Variants in SLC25A24 observed in about 807,000 individuals in gnomAD.
SLC25A24 encodes mitochondrial adenyl nucleotide antiporter SLC25A24.
Under a neutral mutation model 60.7 loss-of-function variants are expected in SLC25A24, and 49 were observed. That is an observed-to-expected ratio of 0.81 (90% CI 0.64 to 1.02). SLC25A24 has a LOEUF of 1.02. Among genes scored for constraint, SLC25A24 ranks in the 50% least tolerant of loss-of-function variants. SLC25A24 has a pLI of 0.00. For synonymous variants in SLC25A24, 202 were observed against 200.6 expected (o/e 1.01, Z -0.06); for missense variants, 564 against 586.3 (o/e 0.96, Z 0.39).
chr1:108,179,244 T>C (rs191040110), intron 3 of SLC25A24, among the ~76,000 whole-genome samples: 97 of 151,866 alleles, frequency 6.4e-4, no homozygotes, highest in African/African-American at 2.2e-3. Context: ...AGATAACAAG[T>C]GTTGGCAAGT....
At chr1:108,196,275 A>G (rs532181875) in intron 1 of SLC25A24, among the ~76,000 whole-genome samples, 10 of 152,328 alleles carry the variant, frequency 6.6e-5, no homozygotes, top group African/African-American at 2.4e-4. Context: ...ATCATTCAGC[A>G]TACACTTCAT....
At chr1:108,183,186 T>C (rs899117886) in intron 2 of SLC25A24, among the ~76,000 whole-genome samples, 1 of 149,838 alleles carries the variant, frequency 6.7e-6, no homozygotes, top group Non-Finnish European at 1.5e-5. Context: ...GGTGAAAGGA[T>C]AGACTTTCTT....
At chr1:108,185,729 A>C in intron 2 of SLC25A24, 99 bp downstream of exon 2, 1 of 849,630 alleles carries the variant, frequency 1.2e-6, no homozygotes, top group Non-Finnish European at 1.8e-6. Flanking sequence ...AATAATTATC[A>C]TCTAAAACCA....
At chr1:108,196,287 C>T (rs1338904568) in intron 1 of SLC25A24, among the ~76,000 whole-genome samples, 1 of 152,172 alleles carries the variant, frequency 6.6e-6, no homozygotes, top group Non-Finnish European at 1.5e-5. Context: ...ACACTTCATA[C>T]CCATGGGCAC....
At chr1:108,154,399 T>C (rs772475816) in intron 6 of SLC25A24, among the ~76,000 whole-genome samples, 1 of 152,118 alleles carries the variant, frequency 6.6e-6, no homozygotes, top group Non-Finnish European at 1.5e-5. Context: ...GCTGAAGCAA[T>C]AGCTCAAATA....
chr1:108,172,530 C>T (rs1647498680), intron 3 of SLC25A24, among the ~76,000 whole-genome samples: 1 of 152,128 alleles, frequency 6.6e-6, no homozygotes, highest in Admixed American at 6.5e-5. Context: ...AATGAGATGC[C>T]AGGCTCTTAT....
At chr1:108,168,547 T>C (rs955557729) in intron 3 of SLC25A24, among the ~76,000 whole-genome samples, 5 of 152,236 alleles carry the variant, frequency 3.3e-5, no homozygotes, top group Admixed American at 3.3e-4. Context: ...ACAAACTTCC[T>C]AGATAAGATA....
chr1:108,170,419 A>G (rs915134224), intron 3 of SLC25A24, among the ~76,000 whole-genome samples: 2 of 152,160 alleles, frequency 1.3e-5, no homozygotes. Flanking sequence ...TAAATACCTA[A>G]GAAAAAATAT....
chr1:108,152,731 A>C (rs1461151456), intron 6 of SLC25A24, among the ~76,000 whole-genome samples: 1 of 152,212 alleles, frequency 6.6e-6, no homozygotes, highest in Non-Finnish European at 1.5e-5. Context: ...TTACTTAATA[A>C]GGGTTTCCTG....
chr1:108,167,736 AG>A (rs1647255127), intron 3 of SLC25A24, among the ~76,000 whole-genome samples: 1 of 152,230 alleles, frequency 6.6e-6, no homozygotes, highest in Non-Finnish European at 1.5e-5. Context: ...ATGGAAATGC[AG>A]CAATCATGCG....
At chr1:108,184,586 T>C (rs768807457) in intron 2 of SLC25A24, among the ~76,000 whole-genome samples, 2 of 152,222 alleles carry the variant, frequency 1.3e-5, no homozygotes, top group African/African-American at 2.4e-5. Flanking sequence ...TTAATATTCA[T>C]TGTAAATCAG....
chr1:108,148,515 T>G (rs766379604), intron 6 of SLC25A24, 129 bp from the exon 7 acceptor site: 5 of 641,172 alleles, frequency 7.8e-6, no homozygotes, highest in Non-Finnish European at 1.1e-5. Flanking sequence ...CTGGAGGTAA[T>G]TAGGGTTATG....
intron 7 of SLC25A24, among the ~76,000 whole-genome samples, chr1:108,145,962 G>A (rs1476473307): frequency 1.3e-5 from 2 of 152,128 alleles, no homozygotes; most frequent in Non-Finnish European, 2.9e-5. Flanking sequence ...GCTTGATGGG[G>A]ATATCATTGA....
chr1:108,179,213 G>A (rs937316985), intron 3 of SLC25A24, among the ~76,000 whole-genome samples: 4 of 151,214 alleles, frequency 2.6e-5, no homozygotes, highest in African/African-American at 7.3e-5. Flanking sequence ...CACTTAGAAT[G>A]ACTATTACCA....
At position 108,135,779 on chromosome 1, in the gene SLC25A24, A is replaced by C. The variant is rs966080728; in HGVS notation, c.*874T>G. On this transcript the variant is annotated 3_prime_UTR_variant, in exon 10 of 10. Transcript: ENST00000565488. The stretch of plus-strand genomic sequence containing the variant: ...TCCACTTCATGCAATTAAAAAAGAA[A>C]TTTCAGGTTACTAAGAATGGTCCCA... 6.6e-6 allele frequency: 1 copy of C among 152,660 alleles called. No homozygotes were observed. Among genetic ancestry groups the C allele is most frequent in the Non-Finnish European group, 1.5e-5 (1 of 68,040 alleles). The allele number at this position is 152,660 out of a possible 1,614,324, so 9.5% of individuals were successfully genotyped here.
Position 108,135,385 on chromosome 1 carries a change from G to A in SLC25A24, c.*1268C>T, listed in dbSNP as rs1280050085. ...ACAGAAATTATTAGAAGTGAAATGA[G>A]TTTAAGAACTAAATTAAAAACTGAT... On this transcript the variant is annotated 3_prime_UTR_variant, in exon 10 of 10. Coordinates refer to ENST00000565488, the MANE Select transcript of SLC25A24 (RefSeq NM_013386.5). 6.6e-6 allele frequency: 1 copy of A among 152,488 alleles called. No individual in the cohort carries two copies. 9.4% of individuals were successfully genotyped at this position (152,488 alleles called of 1,614,324 possible). A position where few individuals can be genotyped will look rare whatever the true frequency, so the allele number is the denominator to read the frequency against.
At chr1:108,146,938 T>G (rs1679609187) in intron 7 of SLC25A24, among the ~76,000 whole-genome samples, 1 of 152,186 alleles carries the variant, frequency 6.6e-6, no homozygotes, top group Non-Finnish European at 1.5e-5. Context: ...ATAAAATGAG[T>G]TAGGGAGGAA....
chr1:108,135,134 T>C lies in SLC25A24; in HGVS notation c.*1519A>G, dbSNP rs1679248807. 1 of 152,516 alleles carries C rather than the reference T, an allele frequency of 6.6e-6. No individual in the cohort carries two copies. The highest frequency in any genetic ancestry group is 1.5e-5 in the Non-Finnish European group (1 of 67,996). The allele number at this position is 152,516 out of a possible 1,614,324, so 9.4% of individuals were successfully genotyped here. A position where few individuals can be genotyped will look rare whatever the true frequency, so the allele number is the denominator to read the frequency against. On this transcript the variant is annotated 3_prime_UTR_variant, in exon 10 of 10. Coordinates refer to ENST00000565488, the MANE Select transcript of SLC25A24 (RefSeq NM_013386.5). Reference sequence around the variant, plus strand: ...TTAATATTGTCACTTTATATATTACTCAAAAGTACAAATAACCCTAAAAGT... The same window carrying C: ...TTAATATTGTCACTTTATATATTACCCAAAAGTACAAATAACCCTAAAAGT...
chr1:108,151,182 T>C (rs1679745529), intron 6 of SLC25A24, among the ~76,000 whole-genome samples: 1 of 151,920 alleles, frequency 6.6e-6, no homozygotes, highest in African/African-American at 2.4e-5. Flanking sequence ...GCCTGGGTGA[T>C]AAAGTGAGAC....
Sources: allele counts gnomAD v4.1 joint callset (sites outside exome capture counted in the v4.1 genomes callset), GRCh38; gene constraint gnomAD v4.1.1; transcripts MANE v1.5; gene names NCBI Gene and HGNC (gene_info 2026-07-23, HGNC 2026-07-21).